GMEB1: variants seen among roughly 807,000 people sequenced by gnomAD.
GMEB1 encodes the protein glucocorticoid modulatory element binding protein 1.
In GMEB1, 6 loss-of-function variants were observed where a neutral mutation model predicts 52.4. That is an observed-to-expected ratio of 0.11 (90% CI 0.06 to 0.23). The LOEUF (loss-of-function observed/expected upper bound fraction) is 0.23, where lower values mean the gene tolerates loss of function less well. GMEB1 is among the 10% of genes least tolerant of loss of function. The probability of loss-of-function intolerance (pLI) is 1.00; values close to 1 mark genes in which losing one functional copy is unlikely to be tolerated. For synonymous variants in GMEB1, 255 were observed against 244.9 expected, an observed-to-expected ratio of 1.04 and a Z score of -0.38; for missense variants, 486 against 685.6, an observed-to-expected ratio of 0.71 and a Z score of 3.25.
chr1:28,707,683 A>G (rs1191193575), intron 8 of GMEB1, among the ~76,000 whole-genome samples: 1 of 152,186 alleles, frequency 6.6e-6, no homozygotes, highest in African/African-American at 2.4e-5. Flanking sequence ...TACCTCTTAA[A>G]TTGAGATGAC....
chr1:28,679,127 G>A (rs1425631150), intron 1 of GMEB1, among the ~76,000 whole-genome samples: 3 of 151,008 alleles, frequency 2.0e-5, no homozygotes, highest in Admixed American at 6.6e-5. Context: ...CTCGTGATCC[G>A]CCCGTCTCGA....
chr1:28,694,298 C>T (rs1378061184), intron 5 of GMEB1, among the ~76,000 whole-genome samples: 1 of 148,328 alleles, frequency 6.7e-6, no homozygotes, highest in East Asian at 2.0e-4. Context: ...TCAAGTGATT[C>T]TCCTGTCTCA....
chr1:28,680,074 CAGGGATTACTGGCGTGA>C (rs925175886), intron 1 of GMEB1, among the ~76,000 whole-genome samples: 22 of 152,158 alleles, frequency 1.4e-4, no homozygotes, highest in African/African-American at 4.8e-4. Context: ...TCCCAAAGTG[CAGGGATTACTGGCGTGA>C]GCCACCCCTC....
rs1041334116 is a variant in GMEB1 at position 28,717,375 on chromosome 1, A to T, written c.*2602A>T. On this transcript the variant is annotated 3_prime_UTR_variant, in exon 10 of 10. Transcript: ENST00000373816. ...CGGGTAATTTTTGTATTTTTAGTAG[A>T]GACGGGGTTTTGCCATGTTGGCCAG... The T allele has an allele frequency of 2.6e-5, 4 of 152,070 alleles. No homozygotes were observed. The highest frequency in any genetic ancestry group is 7.2e-5 in the African/African-American group (3 of 41,404). The allele number at this position is 152,070 out of a possible 1,614,324, so 9.4% of individuals were successfully genotyped here. A position where few individuals can be genotyped will look rare whatever the true frequency, so the allele number is the denominator to read the frequency against.
At chr1:28,678,147 C>T (rs1570383293) in intron 1 of GMEB1, among the ~76,000 whole-genome samples, 1 of 151,230 alleles carries the variant, frequency 6.6e-6, no homozygotes, top group African/African-American at 2.4e-5. Flanking sequence ...TCACACCACA[C>T]CACTGCACTC....
At chr1:28,670,099 A>G (rs1362614442) in intron 1 of GMEB1, among the ~76,000 whole-genome samples, 1 of 152,160 alleles carries the variant, frequency 6.6e-6, no homozygotes, top group East Asian at 1.9e-4. Flanking sequence ...TTGAGGGATT[A>G]TCTTCTTCCT....
In GMEB1 at chr1:28,685,398, T is replaced by C. The variant is rs534941306; in HGVS notation, c.128+1658T>C. On this transcript the variant is annotated intron_variant, in intron 2 of 9. Transcript: ENST00000373816. ...CCAATTTTTGTATTTTTAGAAGAGA[T>C]GGGGTTTAGCTGAGATCATGCCACT... Among the ~76,000 whole-genome samples, 88 of 151,936 alleles carry C rather than the reference T, an allele frequency of 5.8e-4. No homozygotes were observed. The South Asian group carries it at 0.018, about 31-fold the overall frequency.
intron 9 of GMEB1, among the ~76,000 whole-genome samples, chr1:28,711,322 C>G (rs1045733942): frequency 1.3e-5 from 2 of 151,434 alleles, no homozygotes; most frequent in Non-Finnish European, 2.9e-5. Flanking sequence ...TTTAAACCGT[C>G]AGAAAACTGG....
At chr1:28,697,189 A>T in intron 6 of GMEB1, 105 bp downstream of exon 6, 1 of 170,338 alleles carries the variant, frequency 5.9e-6, no homozygotes, top group Non-Finnish European at 1.2e-5. Context: ...ATATATATAT[A>T]TATATATATA....
intron 9 of GMEB1, among the ~76,000 whole-genome samples, chr1:28,712,577 T>TA (rs1458901791): frequency 6.6e-6 from 1 of 152,074 alleles, no homozygotes; most frequent in East Asian, 1.9e-4. Flanking sequence ...TCCCAGCACT[T>TA]TGGGAGGCCG....
At chr1:28,676,370 G>GA (rs1203767864) in intron 1 of GMEB1, among the ~76,000 whole-genome samples, 5 of 152,070 alleles carry the variant, frequency 3.3e-5, no homozygotes, top group East Asian at 1.9e-4. Context: ...TGGCATAAGT[G>GA]AAAAAATCCC....
In GMEB1 at chr1:28,710,769, T is replaced by TA. The variant is rs3214953; in HGVS notation, c.991+137dup. ...TAGTATCAGATTTTGCTTTTAAAAA[T>TA]AAAAAAAAAAGCCGCAGATGAGGTG... On this transcript the variant is annotated intron_variant, in intron 9 of 9. Coordinates refer to ENST00000373816, the MANE Select transcript of GMEB1 (RefSeq NM_001319674.2). 2,084 of 453,752 alleles carry TA rather than the reference T, an allele frequency of 4.6e-3. 1 individual carries two copies. Among genetic ancestry groups the TA allele is most frequent in the East Asian group, 5.2e-3 (106 of 20,424 alleles). The allele number at this position is 453,752 out of a possible 1,614,324, so 28.1% of individuals were successfully genotyped here. A position where few individuals can be genotyped will look rare whatever the true frequency, so the allele number is the denominator to read the frequency against.
At chr1:28,674,350 C>T (rs1290741621) in intron 1 of GMEB1, among the ~76,000 whole-genome samples, 1 of 151,800 alleles carries the variant, frequency 6.6e-6, no homozygotes, top group Admixed American at 6.6e-5. Context: ...AAAAACAAAA[C>T]GAAAGAAAAC....
intron 6 of GMEB1, 75 bp from the exon 7 acceptor site, chr1:28,702,363 T>C: frequency 8.5e-7 from 1 of 1,178,662 alleles, no homozygotes; most frequent in African/African-American, 1.5e-5. Context: ...TTTGTAGCTA[T>C]TGAGTATGAG....
chr1:28,676,398 G>A (rs149505600), intron 1 of GMEB1, among the ~76,000 whole-genome samples: 177 of 152,186 alleles, frequency 1.2e-3, no homozygotes, highest in African/African-American at 4.0e-3. Flanking sequence ...AGTAGTTAAC[G>A]CAGGCTCTGT....
intron 2 of GMEB1, among the ~76,000 whole-genome samples, chr1:28,689,374 A>C (rs1459593933): frequency 2.6e-5 from 4 of 151,798 alleles, no homozygotes; most frequent in South Asian, 2.1e-4. Context: ...TGCCTGTAAT[A>C]CCAGCACTTT....
intron 6 of GMEB1, among the ~76,000 whole-genome samples, chr1:28,699,417 TG>T (rs941236317): frequency 4.2e-4 from 64 of 152,158 alleles, no homozygotes; most frequent in Middle Eastern, 3.4e-3. Flanking sequence ...GGACATACAC[TG>T]TGCTTGTAAA....
chr1:28,689,170 G>A (rs1441701814), intron 2 of GMEB1, among the ~76,000 whole-genome samples: 1 of 151,994 alleles, frequency 6.6e-6, no homozygotes, highest in African/African-American at 2.4e-5. Context: ...TTACAGGCGT[G>A]AGCCACCGCA....
At chr1:28,681,062 A>C (rs1267106963) in intron 1 of GMEB1, among the ~76,000 whole-genome samples, 1 of 152,008 alleles carries the variant, frequency 6.6e-6, no homozygotes, top group African/African-American at 2.4e-5. Context: ...AAAACAAAAC[A>C]AAACACAATC....
Sources: allele counts gnomAD v4.1 joint callset (sites outside exome capture counted in the v4.1 genomes callset), GRCh38; gene constraint gnomAD v4.1.1; transcripts MANE v1.5; gene names NCBI Gene and HGNC (gene_info 2026-07-23, HGNC 2026-07-21).